ANTXR1: variants seen among roughly 807,000 people sequenced by gnomAD.
ANTXR1 encodes the protein anthrax toxin receptor 1.
A neutral mutation model predicts 78.1 loss-of-function variants in ANTXR1; 19 were observed. The observed-to-expected ratio is 0.24, with a 90% confidence interval of 0.17 to 0.36. The LOEUF (loss-of-function observed/expected upper bound fraction) is 0.36. Among genes scored for constraint, ANTXR1 ranks in the 10% least tolerant of loss-of-function variants. ANTXR1 has a pLI of 1.00. For synonymous variants in ANTXR1, 273 were observed against 260.5 expected (o/e 1.05, Z -0.46); for missense variants, 518 against 718.6 (o/e 0.72, Z 3.19).
Position 69,067,889 on chromosome 2 carries a change from AAAC to A in ANTXR1, c.297-2753_297-2751del, listed in dbSNP as rs201760625. ...AGGATATATGCCCTTTCTCATTACCAAACAACAGAGTTTGAAATTAAAGTATGC... is the reference window on the plus strand; with the variant it reads ...AGGATATATGCCCTTTCTCATTACCAAACAGAGTTTGAAATTAAAGTATGC... On this transcript the variant is annotated intron_variant, in intron 3 of 17. Coordinates refer to ENST00000303714, the MANE Select transcript of ANTXR1 (RefSeq NM_032208.3). Among the ~76,000 whole-genome samples, 1,268 of 152,300 alleles carry A rather than the reference AAAC, an allele frequency of 8.3e-3. 18 individuals carry two copies. Among genetic ancestry groups the A allele is most frequent in the African/African-American group, 0.029 (1,185 of 41,556 alleles).
Position 69,040,199 on chromosome 2 carries a change from A to G in ANTXR1, c.224+84A>G, listed in dbSNP as rs567335359. The G allele has an allele frequency of 6.5e-6, 8 of 1,235,046 alleles. No homozygotes were observed. In the South Asian group the frequency reaches 8.7e-5, roughly 13 times the overall value. 76.5% of individuals were successfully genotyped at this position (1,235,046 alleles called of 1,614,324 possible). On this transcript the variant is annotated intron_variant, in intron 2 of 17. Coordinates refer to ENST00000303714, the MANE Select transcript of ANTXR1 (RefSeq NM_032208.3). Reference sequence around the variant, plus strand: ...CATGTTTGCTATTCTATTAATTACTACATACTTTGGGGATGTTTTTTGACT... The same window carrying G: ...CATGTTTGCTATTCTATTAATTACTGCATACTTTGGGGATGTTTTTTGACT...
chr2:69,112,539 G>T (rs905784707), intron 10 of ANTXR1, among the ~76,000 whole-genome samples: 1 of 152,206 alleles, frequency 6.6e-6, no homozygotes, highest in African/African-American at 2.4e-5. Flanking sequence ...TCAGAGAGAT[G>T]TAACTCCTTG....
At chr2:69,162,044 T>C (rs978437209) in intron 13 of ANTXR1, among the ~76,000 whole-genome samples, 11 of 152,108 alleles carry the variant, frequency 7.2e-5, no homozygotes, top group African/African-American at 2.4e-4. Context: ...TCCATTACTA[T>C]TGACTGACAA....
intron 3 of ANTXR1, among the ~76,000 whole-genome samples, chr2:69,069,876 A>G (rs746145888): frequency 7.2e-5 from 11 of 152,222 alleles, no homozygotes; most frequent in Non-Finnish European, 1.3e-4. Flanking sequence ...CAAACCCTTC[A>G]TAGGGTTACA....
At chr2:69,235,639 G>A (rs1385736166) in intron 17 of ANTXR1, among the ~76,000 whole-genome samples, 6 of 98,752 alleles carry the variant, frequency 6.1e-5, no homozygotes, top group Non-Finnish European at 9.5e-5. Flanking sequence ...GTCACAGAGT[G>A]AAACCCCGTC....
At chr2:69,064,463 A>T (rs1181049040) in intron 3 of ANTXR1, among the ~76,000 whole-genome samples, 1 of 152,186 alleles carries the variant, frequency 6.6e-6, no homozygotes, top group Non-Finnish European at 1.5e-5. Flanking sequence ...ATATTTACAG[A>T]TGTCCTGTGG....
intron 17 of ANTXR1, among the ~76,000 whole-genome samples, chr2:69,199,595 C>T (rs1002278508): frequency 2.0e-5 from 3 of 152,128 alleles, no homozygotes; most frequent in Non-Finnish European, 4.4e-5. Context: ...GAGATCAGAG[C>T]GTGGACTCCA....
chr2:69,186,134 A>G (rs889325265), intron 16 of ANTXR1, among the ~76,000 whole-genome samples: 8 of 152,188 alleles, frequency 5.3e-5, no homozygotes, highest in Non-Finnish European at 1.0e-4. Context: ...CACTCCCCAG[A>G]GCATCCTGCC....
chr2:69,177,424 C>T (rs1674152940), intron 14 of ANTXR1, among the ~76,000 whole-genome samples: 2 of 152,148 alleles, frequency 1.3e-5, no homozygotes, highest in Admixed American at 1.3e-4. Context: ...CTGTTTCTTC[C>T]TCGAACAGCA....
At chr2:69,241,245 G>C (rs1046773268) in intron 17 of ANTXR1, among the ~76,000 whole-genome samples, 3 of 152,188 alleles carry the variant, frequency 2.0e-5, no homozygotes. Context: ...GTGCAGATTT[G>C]CTGGCCTACA....
At chr2:69,037,133 G>A (rs187840703) in intron 1 of ANTXR1, among the ~76,000 whole-genome samples, 34 of 152,310 alleles carry the variant, frequency 2.2e-4, no homozygotes, top group Admixed American at 5.2e-4. Context: ...CTTACTTCAC[G>A]TAAGTCACGG....
At chr2:69,145,286 A>T (rs570713995) in intron 12 of ANTXR1, 7 of 1,554,102 alleles carry the variant, frequency 4.5e-6, no homozygotes, top group Non-Finnish European at 6.1e-6. Flanking sequence ...AGTAGCCCTT[A>T]TAATTTTGCA....
chr2:69,237,540 C>A (rs138009353), intron 17 of ANTXR1, among the ~76,000 whole-genome samples: 1 of 152,300 alleles, frequency 6.6e-6, no homozygotes, highest in East Asian at 1.9e-4. Context: ...CATCCTTCTG[C>A]CTCAGCCTCC....
intron 10 of ANTXR1, among the ~76,000 whole-genome samples, chr2:69,107,152 T>C (rs941002475): frequency 4.6e-5 from 7 of 152,128 alleles, no homozygotes; most frequent in Non-Finnish European, 8.8e-5. Context: ...CAGATTTTTT[T>C]CACCCAAGTT....
intron 12 of ANTXR1, among the ~76,000 whole-genome samples, chr2:69,136,753 A>G (rs2104407334): frequency 6.6e-6 from 1 of 152,338 alleles, no homozygotes; most frequent in East Asian, 1.9e-4. Flanking sequence ...CCCTTTCAAA[A>G]AAGAGAAGGC....
In ANTXR1 at chr2:69,245,359, C is replaced by T; in HGVS notation, c.1569C>T (p.Pro523=). Residue 523 remains proline, a synonymous_variant, in exon 18 of 18, where the codon CCC becomes CCT. Coordinates refer to ENST00000303714, the MANE Select transcript of ANTXR1 (RefSeq NM_032208.3). ...CACCTCCTGCGCCCCACTGCCCTCCCCCGCCCCCCAGCGCCCCTACCCCTC... is the reference window on the plus strand; with the variant it reads ...CACCTCCTGCGCCCCACTGCCCTCCTCCGCCCCCCAGCGCCCCTACCCCTC... ...TPPPPAPHCP[P]PPPSAPTPPI... is the part of the protein sequence containing the mutation. The T allele has an allele frequency of 6.6e-7, 1 of 1,519,946 alleles. No homozygotes were observed. Among genetic ancestry groups the T allele is most frequent in the Non-Finnish European group, 8.8e-7 (1 of 1,133,198 alleles). The allele number at this position is 1,519,946 out of a possible 1,614,324, so 94.2% of individuals were successfully genotyped here. A position where few individuals can be genotyped will look rare whatever the true frequency, so the allele number is the denominator to read the frequency against.
At chr2:69,040,189 A>G (rs530884471) in intron 2 of ANTXR1, 74 bp downstream of exon 2, 116 of 1,307,890 alleles carry the variant, frequency 8.9e-5, no homozygotes, top group Non-Finnish European at 1.2e-4. Context: ...TTGCTATTCT[A>G]TTAATTACTA....
At chr2:69,128,468 CAG>C (rs1173104682) in intron 12 of ANTXR1, among the ~76,000 whole-genome samples, 1 of 152,074 alleles carries the variant, frequency 6.6e-6, no homozygotes. Flanking sequence ...CTCTTTAATT[CAG>C]AGTCTCATTA....
intron 12 of ANTXR1, among the ~76,000 whole-genome samples, chr2:69,136,970 G>A (rs1672925677): frequency 6.6e-6 from 1 of 152,126 alleles, no homozygotes; most frequent in Non-Finnish European, 1.5e-5. Context: ...TTGATCAAGA[G>A]AACCAAGAAA....
Sources: allele counts gnomAD v4.1 joint callset (sites outside exome capture counted in the v4.1 genomes callset), GRCh38; gene constraint gnomAD v4.1.1; transcripts MANE v1.5; gene names NCBI Gene and HGNC (gene_info 2026-07-23, HGNC 2026-07-21).